CDH13: variants seen among roughly 807,000 people sequenced by gnomAD.
CDH13 encodes cadherin 13, also known as cadherin-13.
Under a neutral mutation model 63.8 loss-of-function variants are expected in CDH13, and 24 were observed. The observed-to-expected ratio is 0.38, with a 90% CI of 0.27 to 0.53. The LOEUF (loss-of-function observed/expected upper bound fraction) is 0.53. Ranked by LOEUF, CDH13 falls within the 20% of genes least tolerant of loss-of-function variation. The pLI, the probability that CDH13 is intolerant of heterozygous loss-of-function variation, is 0.85. For missense variants in CDH13, 1,049 were observed against 903.1 expected, an observed-to-expected ratio of 1.16 and a Z score of -2.07; for synonymous variants, 503 against 355.3, an observed-to-expected ratio of 1.42 and a Z score of -4.67.
chr16:83,216,013 T>C (rs2039494950), intron 4 of CDH13, among the ~76,000 whole-genome samples: 1 of 147,764 alleles, frequency 6.8e-6, no homozygotes, highest in Non-Finnish European at 1.5e-5. Flanking sequence ...CCCCAACTGC[T>C]TCTCAGCCTA....
chr16:83,463,151 G>C (rs2073222740), intron 6 of CDH13, among the ~76,000 whole-genome samples: 1 of 152,118 alleles, frequency 6.6e-6, no homozygotes, highest in Non-Finnish European at 1.5e-5. Context: ...GATGAAGCAG[G>C]AACAACCTGG....
intron 3 of CDH13, among the ~76,000 whole-genome samples, chr16:83,046,701 C>G (rs774530072): frequency 6.6e-6 from 1 of 152,110 alleles, no homozygotes; most frequent in Non-Finnish European, 1.5e-5. Flanking sequence ...CAAAAGGGCT[C>G]AAAAAACTTC....
intron 8 of CDH13, among the ~76,000 whole-genome samples, chr16:83,670,239 A>G (rs927533181): frequency 6.6e-6 from 1 of 152,208 alleles, no homozygotes; most frequent in African/African-American, 2.4e-5. Context: ...CTCCACTTAC[A>G]AGTCTTAACG....
At position 83,045,835 on chromosome 16, in the gene CDH13, G is replaced by T. The variant is rs1917732718; in HGVS notation, c.366+13617G>T. 2.0e-5 allele frequency among the ~76,000 whole-genome samples: 3 copies of T among 152,168 alleles called. No individual in the cohort carries two copies. The South Asian group carries it at 6.2e-4, about 32-fold the overall frequency. ...TTCAGTCTTTTTCCACCCAGCACAT[G>T]GGATGATCAAATTACATGGTCTCAT... On this transcript the variant is annotated intron_variant, in intron 3 of 13. Coordinates refer to ENST00000567109, the MANE Select transcript of CDH13 (RefSeq NM_001257.5).
At chr16:83,071,308 G>T (rs140898212) in intron 3 of CDH13, among the ~76,000 whole-genome samples, 146 of 152,246 alleles carry the variant, frequency 9.6e-4, no homozygotes, top group African/African-American at 3.3e-3. Flanking sequence ...ACCCTGCAAG[G>T]TGTGGGCTTT....
chr16:82,935,592 A>C (rs1299674338), intron 2 of CDH13, among the ~76,000 whole-genome samples: 4 of 152,238 alleles, frequency 2.6e-5, no homozygotes, highest in East Asian at 1.9e-4. Flanking sequence ...ACTGATTCTT[A>C]AGCAGTGATT....
intron 5 of CDH13, among the ~76,000 whole-genome samples, chr16:83,279,534 T>C (rs558664048): frequency 6.6e-6 from 1 of 152,278 alleles, no homozygotes; most frequent in South Asian, 2.1e-4. Context: ...TAAAAATGGG[T>C]ATTAAATCTC....
At chr16:83,191,918 A>G (rs2038727933) in intron 4 of CDH13, among the ~76,000 whole-genome samples, 1 of 152,118 alleles carries the variant, frequency 6.6e-6, no homozygotes, top group Non-Finnish European at 1.5e-5. Flanking sequence ...CAGGATCAAT[A>G]CTTTGCATCC....
intron 7 of CDH13, among the ~76,000 whole-genome samples, chr16:83,515,923 A>C (rs1284841737): frequency 1.3e-5 from 2 of 152,226 alleles, no homozygotes; most frequent in African/African-American, 4.8e-5. Flanking sequence ...GAAAAAGAAA[A>C]GAAATGATAA....
chr16:83,450,015 C>T (rs753089358), intron 6 of CDH13, among the ~76,000 whole-genome samples: 7 of 152,192 alleles, frequency 4.6e-5, no homozygotes, highest in Non-Finnish European at 8.8e-5. Flanking sequence ...TCCCCCGCCC[C>T]GACCCCGGGC....
intron 7 of CDH13, among the ~76,000 whole-genome samples, chr16:83,542,589 C>G (rs1356447706): frequency 6.6e-6 from 1 of 152,238 alleles, no homozygotes; most frequent in Admixed American, 6.5e-5. Flanking sequence ...AGCCAGAACT[C>G]TGAAATCAAG....
rs1202758470 is a variant in CDH13, at chr16:83,125,235, T to C, written c.367-150T>C. On this transcript the variant is annotated intron_variant, in intron 3 of 13. Coordinates refer to ENST00000567109, the MANE Select transcript of CDH13 (RefSeq NM_001257.5). ...CAGCTTTAGTATTATTCTAGTAATG[T>C]ACTTGGTAATGCTAATAGGGTTTGA... 1.0e-5 allele frequency: 6 copies of C among 585,992 alleles called. No homozygotes were observed. The East Asian group carries it at 1.1e-4, about 11-fold the overall frequency. The allele number at this position is 585,992 out of a possible 1,614,324, so 36.3% of individuals were successfully genotyped here.
At chr16:83,340,688 C>T (rs1292874876) in intron 5 of CDH13, among the ~76,000 whole-genome samples, 1 of 152,188 alleles carries the variant, frequency 6.6e-6, no homozygotes, top group African/African-American at 2.4e-5. Flanking sequence ...GATGCCAATG[C>T]TGCTGGCTTG....
chr16:82,914,951 T>C (rs1481509328), intron 2 of CDH13, among the ~76,000 whole-genome samples: 2 of 152,230 alleles, frequency 1.3e-5, no homozygotes, highest in Non-Finnish European at 2.9e-5. Context: ...GTTCAATGTC[T>C]TTCCCTCCCT....
intron 1 of CDH13, chr16:82,826,538 G>A (rs903755947): frequency 6.6e-6 from 1 of 152,110 alleles, no homozygotes; most frequent in African/African-American, 2.4e-5. Context: ...TCTATTATAT[G>A]CATATGTATA....
At chr16:83,743,610 C>G (rs1159074989) in intron 10 of CDH13, among the ~76,000 whole-genome samples, 1 of 152,134 alleles carries the variant, frequency 6.6e-6, no homozygotes, top group Non-Finnish European at 1.5e-5. Context: ...TATTTATCTT[C>G]TAAACTGAGT....
At chr16:83,727,783 CCTTGACGGAA>C (rs1910583847) in intron 10 of CDH13, among the ~76,000 whole-genome samples, 1 of 152,028 alleles carries the variant, frequency 6.6e-6, no homozygotes, top group East Asian at 1.9e-4. Flanking sequence ...ATGACAGATC[CCTTGACGGAA>C]CTGGCTGACA....
At chr16:83,295,041 C>G (rs1018405370) in intron 5 of CDH13, among the ~76,000 whole-genome samples, 1 of 151,970 alleles carries the variant, frequency 6.6e-6, no homozygotes, top group Non-Finnish European at 1.5e-5. Context: ...ACACATAGAC[C>G]AATTGAACAG....
At chr16:83,073,262 C>T (rs2032570419) in intron 3 of CDH13, among the ~76,000 whole-genome samples, 1 of 151,114 alleles carries the variant, frequency 6.6e-6, no homozygotes, top group Non-Finnish European at 1.5e-5. Flanking sequence ...AAACAGAGTT[C>T]GAGGTTGAAC....
Sources: gnomAD v4.1 joint callset for allele counts (sites outside exome capture counted in the v4.1 genomes callset) on GRCh38, gnomAD v4.1.1 for gene constraint, MANE v1.5 for transcripts, NCBI Gene and HGNC (gene_info 2026-07-23, HGNC 2026-07-21) for gene names.